NAALADL2: variants seen among roughly 807,000 people sequenced by gnomAD.
The protein encoded by NAALADL2 is inactive N-acetylated-alpha-linked acidic dipeptidase-like protein 2.
NAALADL2 carries 76 observed loss-of-function variants against 87.2 expected under a neutral mutation model. The ratio of observed to expected loss-of-function variants is 0.87; its 90% CI spans 0.72 to 1.05. The LOEUF is 1.05. NAALADL2 is among the 50% of genes least tolerant of loss of function. The pLI is 0.00. For missense variants in NAALADL2, 1,089 were observed against 945.8 expected (o/e 1.15, Z -1.99); for synonymous variants, 354 against 331.0 (o/e 1.07, Z -0.75).
At chr3:174,498,226 T>C (rs1481635184) in intron 1 of NAALADL2, among the ~76,000 whole-genome samples, 8 of 152,114 alleles carry the variant, frequency 5.3e-5, no homozygotes, top group Non-Finnish European at 1.0e-4. Context: ...AGGCAACCAG[T>C]GATCTGCTTT....
intron 6 of NAALADL2, among the ~76,000 whole-genome samples, chr3:175,453,886 T>G (rs1316139878): frequency 6.6e-6 from 1 of 152,156 alleles, no homozygotes; most frequent in Non-Finnish European, 1.5e-5. Context: ...TTTCACTTTA[T>G]ATGTTTTGAG....
intron 1 of NAALADL2, among the ~76,000 whole-genome samples, chr3:175,014,464 T>TA (rs1218688703): frequency 3.9e-5 from 6 of 152,180 alleles, no homozygotes; most frequent in Non-Finnish European, 7.3e-5. Flanking sequence ...TAGCTCAAAA[T>TA]GTTTTTGACT....
intron 2 of NAALADL2, among the ~76,000 whole-genome samples, chr3:174,729,786 A>C (rs1732537190): frequency 6.6e-6 from 1 of 152,044 alleles, no homozygotes. Flanking sequence ...TGATATGATA[A>C]TAATAGTAAC....
At chr3:174,481,822 A>G (rs1717571973) in intron 1 of NAALADL2, among the ~76,000 whole-genome samples, 1 of 152,060 alleles carries the variant, frequency 6.6e-6, no homozygotes, top group South Asian at 2.1e-4. Flanking sequence ...ATAGAGGTGA[A>G]ATGTTATCTA....
intron 9 of NAALADL2, among the ~76,000 whole-genome samples, chr3:175,487,077 A>G (rs192493566): frequency 1.6e-3 from 248 of 152,228 alleles, no homozygotes; most frequent in Admixed American, 3.4e-3. Flanking sequence ...ACTTAGAGTA[A>G]AAGCCAAAGT....
intron 2 of NAALADL2, among the ~76,000 whole-genome samples, chr3:174,571,433 A>G (rs1380553703): frequency 6.6e-6 from 1 of 151,968 alleles, no homozygotes; most frequent in Non-Finnish European, 1.5e-5. Context: ...CTGGAGTGTA[A>G]TGGCGTGATC....
intron 1 of NAALADL2, among the ~76,000 whole-genome samples, chr3:175,019,759 C>T (rs1751331001): frequency 6.6e-6 from 1 of 152,014 alleles, no homozygotes; most frequent in African/African-American, 2.4e-5. Flanking sequence ...TAATACTAAG[C>T]TTGCAGTATA....
chr3:174,887,820 TC>T (rs1730362176), intron 1 of NAALADL2, among the ~76,000 whole-genome samples: 1 of 145,220 alleles, frequency 6.9e-6, no homozygotes, highest in East Asian at 1.9e-4. Context: ...TGCTTGAGCA[TC>T]TTTTTTTTTT....
intron 2 of NAALADL2, among the ~76,000 whole-genome samples, chr3:174,560,566 T>G (rs138932371): frequency 6.6e-6 from 1 of 152,352 alleles, no homozygotes; most frequent in Non-Finnish European, 1.5e-5. Context: ...TTTTATAAAC[T>G]TGCAAACCTT....
intron 11 of NAALADL2, among the ~76,000 whole-genome samples, chr3:175,668,411 T>A (rs1402747024): frequency 6.6e-6 from 1 of 152,160 alleles, no homozygotes; most frequent in Non-Finnish European, 1.5e-5. Context: ...GGATGACTTT[T>A]ACTGCATTTT....
chr3:175,538,816 T>A (rs4243410), intron 9 of NAALADL2, among the ~76,000 whole-genome samples: 108,662 of 152,010 alleles, frequency 0.71, 40,325 homozygotes, highest in East Asian at 0.88. Flanking sequence ...CCAGGGCTAA[T>A]GTGGTAAATA....
chr3:175,413,625 A>C (rs1714042817), intron 5 of NAALADL2, among the ~76,000 whole-genome samples: 1 of 151,302 alleles, frequency 6.6e-6, no homozygotes, highest in African/African-American at 2.4e-5. Context: ...GGATATGAGC[A>C]CTAACTGAAA....
At chr3:174,765,049 A>T (rs1260548748) in intron 3 of NAALADL2, among the ~76,000 whole-genome samples, 1 of 152,046 alleles carries the variant, frequency 6.6e-6, no homozygotes, top group Non-Finnish European at 1.5e-5. Context: ...GAGACACTAA[A>T]TAACCAAGAA....
intron 2 of NAALADL2, among the ~76,000 whole-genome samples, chr3:174,714,947 C>T (rs1325338135): frequency 6.6e-6 from 1 of 152,084 alleles, no homozygotes; most frequent in African/African-American, 2.4e-5. Context: ...TCATAGATAG[C>T]TCTTATTATT....
intron 13 of NAALADL2, among the ~76,000 whole-genome samples, chr3:175,789,636 G>A (rs1346093609): frequency 6.6e-6 from 1 of 152,106 alleles, no homozygotes; most frequent in Non-Finnish European, 1.5e-5. Context: ...GATGTCCAGT[G>A]CAAAGAACCC....
chr3:175,364,987 G>A (rs1765403948), intron 5 of NAALADL2, among the ~76,000 whole-genome samples: 1 of 147,476 alleles, frequency 6.8e-6, no homozygotes. Context: ...GATACTGTTA[G>A]TGTATGAAAA....
At chr3:174,827,287 A>G (rs1397852315) in intron 3 of NAALADL2, among the ~76,000 whole-genome samples, 1 of 152,180 alleles carries the variant, frequency 6.6e-6, no homozygotes, top group Admixed American at 6.5e-5. Context: ...AAACAAACTT[A>G]CTGTCTTACA....
intron 5 of NAALADL2, among the ~76,000 whole-genome samples, chr3:175,412,747 T>C (rs944475756): frequency 6.6e-6 from 1 of 151,508 alleles, no homozygotes; most frequent in African/African-American, 2.4e-5. Flanking sequence ...TTGAAAAACA[T>C]ATGCATTTTT....
intron 11 of NAALADL2, among the ~76,000 whole-genome samples, chr3:175,653,987 G>A (rs1049005271): frequency 6.6e-6 from 1 of 152,174 alleles, no homozygotes; most frequent in Non-Finnish European, 1.5e-5. Context: ...TCACTTCAGG[G>A]ACAAAGCATT....
Sources: gnomAD v4.1 joint callset for allele counts (sites outside exome capture counted in the v4.1 genomes callset) on GRCh38, gnomAD v4.1.1 for gene constraint, MANE v1.5 for transcripts, NCBI Gene and HGNC (gene_info 2026-07-23, HGNC 2026-07-21) for gene names.